The following MAGI2 variants were observed in gnomAD, a reference collection of about 807,000 sequenced individuals.
MAGI2 encodes the protein membrane-associated guanylate kinase, WW and PDZ domain-containing protein 2.
In MAGI2, 35 loss-of-function variants were observed where a neutral mutation model predicts 133.3. That is an observed-to-expected ratio of 0.26 (90% CI 0.20 to 0.35). The LOEUF is 0.35. MAGI2 is among the 10% of genes least tolerant of loss of function. The pLI, the probability that MAGI2 is intolerant of heterozygous loss-of-function variation, is 1.00. For missense variants in MAGI2, 1,636 were observed against 1,863.4 expected, an observed-to-expected ratio of 0.88 and a Z score of 2.25; for synonymous variants, 729 against 710.6, an observed-to-expected ratio of 1.03 and a Z score of -0.41.
intron 1 of MAGI2, among the ~76,000 whole-genome samples, chr7:79,404,458 C>A (rs1293015066): frequency 6.6e-6 from 1 of 152,098 alleles, no homozygotes; most frequent in Non-Finnish European, 1.5e-5. Flanking sequence ...GCCTCGGCCT[C>A]CCAAAGTTCT....
At chr7:79,284,433 A>AC (rs1428947748) in intron 1 of MAGI2, among the ~76,000 whole-genome samples, 1 of 152,020 alleles carries the variant, frequency 6.6e-6, no homozygotes, top group African/African-American at 2.4e-5. Context: ...GGTCCTGGGC[A>AC]CCCCACTAGA....
chr7:79,147,322 A>C (rs2129546676), intron 1 of MAGI2, among the ~76,000 whole-genome samples: 1 of 152,362 alleles, frequency 6.6e-6, no homozygotes, highest in South Asian at 2.1e-4. Flanking sequence ...ATCATGGAGT[A>C]AATGACATTT....
Position 79,453,479 on chromosome 7 carries a change from G to C in MAGI2, c.-159C>G. On this transcript the variant is annotated 5_prime_UTR_variant, in exon 1 of 22. Coordinates refer to ENST00000354212, the MANE Select transcript of MAGI2 (RefSeq NM_012301.4). Reference sequence around the variant, plus strand: ...GTGCTTTCCCTCTTCTTTGGATGGAGTGTGGACGAGGAATGGGGAGGATGA... The same window carrying C: ...GTGCTTTCCCTCTTCTTTGGATGGACTGTGGACGAGGAATGGGGAGGATGA... 1.4e-6 allele frequency: 2 copies of C among 1,442,310 alleles called. No individual in the cohort carries two copies. Among genetic ancestry groups the C allele is most frequent in the Non-Finnish European group, 1.8e-6 (2 of 1,104,400 alleles). The allele number at this position is 1,442,310 out of a possible 1,614,324, so 89.3% of individuals were successfully genotyped here.
chr7:79,284,128 A>G (rs1835842197), intron 1 of MAGI2, among the ~76,000 whole-genome samples: 1 of 152,036 alleles, frequency 6.6e-6, no homozygotes, highest in South Asian at 2.1e-4. Context: ...CTAATGATGC[A>G]TTTTTTCAGA....
intron 1 of MAGI2, among the ~76,000 whole-genome samples, chr7:79,334,597 G>A (rs1183461412): frequency 2.6e-5 from 4 of 151,928 alleles, no homozygotes; most frequent in African/African-American, 9.7e-5. Flanking sequence ...GTATGCCCAG[G>A]GAGTACAGTC....
chr7:78,040,391 C>T (rs1267908611), intron 21 of MAGI2, among the ~76,000 whole-genome samples: 1 of 152,202 alleles, frequency 6.6e-6, no homozygotes, highest in East Asian at 1.9e-4. Flanking sequence ...GGCCCCTGGT[C>T]GTGCCGCAGC....
intron 3 of MAGI2, among the ~76,000 whole-genome samples, chr7:78,558,837 G>GTTTTTTTTTTTTTTTTT (rs10691115): frequency 4.6e-5 from 6 of 130,054 alleles, no homozygotes; most frequent in Non-Finnish European, 8.0e-5. Flanking sequence ...TTGAGACACC[G>GTTTTTTTTTTTTTTTTT]TTTTTTTTTT....
At chr7:78,263,788 T>C (rs560186886) in intron 9 of MAGI2, among the ~76,000 whole-genome samples, 96 of 152,158 alleles carry the variant, frequency 6.3e-4, no homozygotes, top group African/African-American at 2.3e-3. Flanking sequence ...AGGGACAGAG[T>C]TCAGTCCAAA....
intron 9 of MAGI2, among the ~76,000 whole-genome samples, chr7:78,330,569 G>C (rs1789068812): frequency 3.5e-5 from 1 of 28,674 alleles, no homozygotes; most frequent in East Asian, 5.2e-4. Context: ...AGTGAGCCGA[G>C]ATTGCGCCAC....
At position 78,855,027 on chromosome 7, in the gene MAGI2, G is replaced by GTT. The variant is rs35464655; in HGVS notation, c.418+152061_418+152062dup. Reference sequence around the variant, plus strand: ...ACCACGACGCCCAGCAAATTTTTCTGTTTTTTTTTTGTAGAGATGCGGTTT... The same window carrying GTT: ...ACCACGACGCCCAGCAAATTTTTCTGTTTTTTTTTTTTGTAGAGATGCGGTTT... On this transcript the variant is annotated intron_variant, in intron 2 of 21. Coordinates refer to ENST00000354212, the MANE Select transcript of MAGI2 (RefSeq NM_012301.4). 4.6e-4 allele frequency among the ~76,000 whole-genome samples: 69 copies of GTT among 148,666 alleles called. 2 individuals are homozygous for GTT. The East Asian group carries it at 0.012, about 25-fold the overall frequency.
intron 9 of MAGI2, among the ~76,000 whole-genome samples, chr7:78,294,910 A>G (rs1259709211): frequency 6.6e-6 from 1 of 152,136 alleles, no homozygotes; most frequent in African/African-American, 2.4e-5. Flanking sequence ...CTGCTGTTTA[A>G]TGTATTAGAA....
intron 20 of MAGI2, among the ~76,000 whole-genome samples, chr7:78,085,510 T>A (rs1251022210): frequency 6.6e-6 from 1 of 150,820 alleles, no homozygotes; most frequent in African/African-American, 2.4e-5. Context: ...GGAACAAGTG[T>A]GAGGACTTAT....
chr7:78,247,862 G>A (rs1791967509), intron 10 of MAGI2, among the ~76,000 whole-genome samples: 2 of 152,132 alleles, frequency 1.3e-5, no homozygotes, highest in African/African-American at 4.8e-5. Flanking sequence ...GAGAGTTTCA[G>A]AAAAAGAAGT....
At chr7:79,366,313 T>C (rs1842709310) in intron 1 of MAGI2, among the ~76,000 whole-genome samples, 1 of 152,140 alleles carries the variant, frequency 6.6e-6, no homozygotes, top group South Asian at 2.1e-4. Flanking sequence ...TATGATTCCA[T>C]TTATACGACA....
At chr7:78,201,049 T>A in intron 11 of MAGI2, 113 bp downstream of exon 11, 1 of 674,974 alleles carries the variant, frequency 1.5e-6, no homozygotes, top group East Asian at 3.2e-5. Context: ...TTTTTTTACA[T>A]CACAGACTCC....
chr7:78,492,178 A>C (rs538532075), intron 5 of MAGI2, among the ~76,000 whole-genome samples: 3 of 152,218 alleles, frequency 2.0e-5, no homozygotes, highest in African/African-American at 7.2e-5. Context: ...ATACTGGCTA[A>C]TTTAGTAGAG....
chr7:78,188,657 C>G (rs1392652258), intron 12 of MAGI2, among the ~76,000 whole-genome samples: 4 of 152,110 alleles, frequency 2.6e-5, no homozygotes, highest in African/African-American at 9.7e-5. Context: ...CATCGGACAC[C>G]AGCAGTGTTC....
chr7:78,473,752 T>C (rs1040793144), intron 6 of MAGI2, among the ~76,000 whole-genome samples: 4 of 152,052 alleles, frequency 2.6e-5, no homozygotes, highest in African/African-American at 9.7e-5. Context: ...GGTTTCCTTC[T>C]GGAGATCTAA....
At chr7:79,367,644 T>C (rs1183039482) in intron 1 of MAGI2, among the ~76,000 whole-genome samples, 1 of 151,944 alleles carries the variant, frequency 6.6e-6, no homozygotes, top group Non-Finnish European at 1.5e-5. Context: ...AGATAATCTG[T>C]ATGTTTTTAG....
Sources: gnomAD v4.1 joint callset for allele counts (sites outside exome capture counted in the v4.1 genomes callset) on GRCh38, gnomAD v4.1.1 for gene constraint, MANE v1.5 for transcripts, NCBI Gene and HGNC (gene_info 2026-07-23, HGNC 2026-07-21) for gene names.